CTIF: variants seen among roughly 807,000 people sequenced by gnomAD.
CTIF encodes the protein cap binding complex dependent translation initiation factor, also known as CBP80/20-dependent translation initiation factor.
In CTIF, 21 loss-of-function variants were observed where a neutral mutation model predicts 66.0. That is an observed-to-expected ratio of 0.32 (90% confidence interval 0.23 to 0.46). The LOEUF (loss-of-function observed/expected upper bound fraction) is 0.46. Ranked by LOEUF, CTIF falls within the 20% of genes least tolerant of loss-of-function variation. CTIF has a pLI of 1.00. For missense variants in CTIF, 739 were observed against 812.7 expected, an observed-to-expected ratio of 0.91 and a Z score of 1.10; for synonymous variants, 345 against 326.4, an observed-to-expected ratio of 1.06 and a Z score of -0.62.
At chr18:48,619,232 C>T (rs2090449498) in intron 1 of CTIF, among the ~76,000 whole-genome samples, 2 of 152,220 alleles carry the variant, frequency 1.3e-5, no homozygotes, top group South Asian at 2.1e-4. Context: ...CATCTTCTGC[C>T]TTTCCCAGCG....
intron 3 of CTIF, among the ~76,000 whole-genome samples, chr18:48,652,553 G>A (rs888968817): frequency 3.9e-5 from 6 of 152,156 alleles, no homozygotes; most frequent in African/African-American, 1.4e-4. Flanking sequence ...TCTACCAGAG[G>A]TACAAAGAGG....
At chr18:48,658,217 G>A (rs553610409) in intron 3 of CTIF, among the ~76,000 whole-genome samples, 118 of 151,872 alleles carry the variant, frequency 7.8e-4, no homozygotes, top group Non-Finnish European at 1.3e-3. Flanking sequence ...TGTGGGTGTG[G>A]ATATGTGTGT....
At chr18:48,765,693 A>G (rs1312026059) in intron 9 of CTIF, among the ~76,000 whole-genome samples, 1 of 152,204 alleles carries the variant, frequency 6.6e-6, no homozygotes, top group African/African-American at 2.4e-5. Flanking sequence ...CTTCCCAGCC[A>G]GACTCAACAC....
intron 1 of CTIF, among the ~76,000 whole-genome samples, chr18:48,573,752 C>T (rs1022269320): frequency 6.6e-6 from 1 of 152,174 alleles, no homozygotes; most frequent in African/African-American, 2.4e-5. Flanking sequence ...GGTCAGCGGA[C>T]AAGGGCCATA....
intron 1 of CTIF, among the ~76,000 whole-genome samples, chr18:48,593,559 T>G (rs924330049): frequency 6.6e-6 from 1 of 151,742 alleles, no homozygotes; most frequent in African/African-American, 2.4e-5. Flanking sequence ...TTTTTTTGTA[T>G]TTTTAGTAGA....
chr18:48,562,084 G>T (rs574406399), intron 1 of CTIF, among the ~76,000 whole-genome samples: 2 of 152,272 alleles, frequency 1.3e-5, no homozygotes, highest in East Asian at 3.9e-4. Flanking sequence ...TAAAACAATG[G>T]TTTTCAACTT....
Position 48,542,057 on chromosome 18 carries a change from A to G in CTIF, c.-29+2745A>G, listed in dbSNP as rs182119914. Among the ~76,000 whole-genome samples the G allele has an allele frequency of 5.2e-3, 792 of 152,330 alleles. 2 individuals carry two copies. Among genetic ancestry groups the G allele is most frequent in the Middle Eastern group, 0.01 (3 of 294 alleles). ...GAGTATGGATTCTTGACACCTCAGG[A>G]AATACTGAAGCTAAAAAATAGAGTA... On this transcript the variant is annotated intron_variant, in intron 1 of 11. Transcript: ENST00000256413.
intron 1 of CTIF, among the ~76,000 whole-genome samples, chr18:48,604,168 GTTTTTTTT>G (rs34544217): frequency 4.7e-5 from 3 of 63,264 alleles, no homozygotes; most frequent in East Asian, 1.1e-3. Context: ...TTTTTTAAGG[GTTTTTTTT>G]TTTTTTTTTT....
At chr18:48,768,738 C>T (rs1457837743) in intron 9 of CTIF, among the ~76,000 whole-genome samples, 1 of 151,596 alleles carries the variant, frequency 6.6e-6, no homozygotes, top group African/African-American at 2.4e-5. Flanking sequence ...AAAAAGACCC[C>T]ATCTTTGAAA....
rs144877752 is a variant in CTIF, at chr18:48,777,244, C to T, written c.1371+15555C>T. On this transcript the variant is annotated intron_variant, in intron 9 of 11. Transcript: ENST00000256413. ...GGCAGCACCTGCTGGGTGGGCAGGG[C>T]GGCCTGCAGGGGGCACCAGTGTGCA... is the stretch of plus-strand genomic sequence containing the variant. Among the ~76,000 whole-genome samples, 538 of 152,322 alleles carry T rather than the reference C, an allele frequency of 3.5e-3. 2 individuals are homozygous for T. The highest frequency in any genetic ancestry group is 5.5e-3 in the Non-Finnish European group (377 of 68,026).
At chr18:48,814,597 T>G (rs970084497) in intron 9 of CTIF, among the ~76,000 whole-genome samples, 1 of 152,166 alleles carries the variant, frequency 6.6e-6, no homozygotes, top group African/African-American at 2.4e-5. Flanking sequence ...ATAAGAATAT[T>G]GTGGGATAAA....
chr18:48,832,843 G>T (rs558738611), intron 10 of CTIF, among the ~76,000 whole-genome samples: 56 of 152,318 alleles, frequency 3.7e-4, no homozygotes, highest in South Asian at 6.2e-4. Context: ...CCAAAACCCT[G>T]CTGAAAACAA....
intron 1 of CTIF, among the ~76,000 whole-genome samples, chr18:48,581,796 A>G (rs1649236728): frequency 1.3e-5 from 2 of 152,176 alleles, no homozygotes; most frequent in Non-Finnish European, 2.9e-5. Flanking sequence ...CGGTCATAGC[A>G]AGGCAGGGAG....
In CTIF at chr18:48,813,502, T is replaced by G. The variant is rs1055290919; in HGVS notation, c.1372-3719T>G. Reference sequence around the variant, plus strand: ...TGAATGAGATCACCCCTGTCTGGTCTTTTGTGTTTGCTGTGCGCATCAGCC... The same window carrying G: ...TGAATGAGATCACCCCTGTCTGGTCGTTTGTGTTTGCTGTGCGCATCAGCC... On this transcript the variant is annotated intron_variant, in intron 9 of 11. Transcript: ENST00000256413. Among the ~76,000 whole-genome samples, 8 of 152,240 alleles carry G rather than the reference T, an allele frequency of 5.3e-5. No individual in the cohort carries two copies. In the East Asian group the frequency reaches 1.3e-3, roughly 26 times the overall value.
At chr18:48,606,212 T>C (rs1031041801) in intron 1 of CTIF, among the ~76,000 whole-genome samples, 6 of 152,226 alleles carry the variant, frequency 3.9e-5, no homozygotes, top group Non-Finnish European at 8.8e-5. Context: ...CCTTTCCCCC[T>C]TCCTCAGAGC....
chr18:48,573,472 A>G (rs1329644806), intron 1 of CTIF, among the ~76,000 whole-genome samples: 3 of 152,234 alleles, frequency 2.0e-5, no homozygotes, highest in Non-Finnish European at 4.4e-5. Context: ...GTACATGTGT[A>G]ATGTTGCACT....
intron 5 of CTIF, among the ~76,000 whole-genome samples, chr18:48,665,260 G>T (rs2091418385): frequency 6.6e-6 from 1 of 152,168 alleles, no homozygotes; most frequent in Non-Finnish European, 1.5e-5. Context: ...GCTGATGCTG[G>T]TCCAGGGACC....
chr18:48,608,576 G>T (rs1240844722), intron 1 of CTIF, among the ~76,000 whole-genome samples: 12 of 152,318 alleles, frequency 7.9e-5, no homozygotes, highest in Non-Finnish European at 1.2e-4. Flanking sequence ...GGTCAGGGTG[G>T]CATCTAAGAG....
rs146634098 is a variant in CTIF at position 48,802,669 on chromosome 18, A to G, written c.1372-14552A>G. Among the ~76,000 whole-genome samples the G allele has an allele frequency of 1.1e-3, 167 of 152,370 alleles. 1 individual carries two copies. Among genetic ancestry groups the G allele is most frequent in the African/African-American group, 3.9e-3 (161 of 41,584 alleles). ...TGTAGAGGTATGGCGAGACAGTGACATGAACATCAGGCAGGCGGCAGAGAA... is the reference window on the plus strand; with the variant it reads ...TGTAGAGGTATGGCGAGACAGTGACGTGAACATCAGGCAGGCGGCAGAGAA... On this transcript the variant is annotated intron_variant, in intron 9 of 11. Transcript: ENST00000256413.
Sources: allele counts gnomAD v4.1 joint callset (sites outside exome capture counted in the v4.1 genomes callset), GRCh38; gene constraint gnomAD v4.1.1; transcripts MANE v1.5; gene names NCBI Gene and HGNC (gene_info 2026-07-23, HGNC 2026-07-21).